Variants in PTGES3 observed in about 807,000 individuals in gnomAD.
PTGES3 encodes the protein Hsp90 co-chaperone.
Under a neutral mutation model 29.9 loss-of-function variants are expected in PTGES3, and 5 were observed. The observed-to-expected ratio is 0.17, with a 90% CI of 0.09 to 0.35. The LOEUF (loss-of-function observed/expected upper bound fraction) is 0.35, where lower values mean the gene tolerates loss of function less well. Ranked by LOEUF, PTGES3 falls within the 10% of genes least tolerant of loss-of-function variation. The pLI is 1.00. For synonymous variants in PTGES3, 49 were observed against 57.8 expected, an observed-to-expected ratio of 0.85 and a Z score of 0.69; for missense variants, 128 against 190.0, an observed-to-expected ratio of 0.67 and a Z score of 1.92.
chr12:56,687,649 G>C, intron 1 of PTGES3: 1 of 1,194,354 alleles, frequency 8.4e-7, no homozygotes, highest in South Asian at 2.3e-5. Context: ...GGCGACCCAC[G>C]AAGGTTCACG....
chr12:56,687,695 C>CT, intron 1 of PTGES3: 1 of 1,313,008 alleles, frequency 7.6e-7, no homozygotes, highest in East Asian at 3.4e-5. Flanking sequence ...CTACCGGGAG[C>CT]TTAAGGCCTA....
intron 6 of PTGES3, 65 bp from the exon 7 acceptor site, chr12:56,664,865 C>A: frequency 1.3e-6 from 2 of 1,572,040 alleles, no homozygotes; most frequent in South Asian, 2.3e-5. Flanking sequence ...AACAGTTTAC[C>A]TAAAAAAGTT....
intron 1 of PTGES3, among the ~76,000 whole-genome samples, chr12:56,678,632 TAG>T (rs1329098312): frequency 1.3e-5 from 2 of 152,202 alleles, no homozygotes; most frequent in Non-Finnish European, 2.9e-5. Context: ...TTTTATAAAT[TAG>T]AGTTATAACT....
intron 1 of PTGES3, chr12:56,686,817 C>G: frequency 2.5e-6 from 1 of 398,314 alleles, no homozygotes; most frequent in Non-Finnish European, 4.4e-6. Context: ...AGATTTCTAG[C>G]CAATATACTC....
chr12:56,671,045 G>A (rs1951982529), intron 4 of PTGES3, among the ~76,000 whole-genome samples: 1 of 152,106 alleles, frequency 6.6e-6, no homozygotes, highest in African/African-American at 2.4e-5. Flanking sequence ...CCCAGGTGGA[G>A]GCTACAGTGA....
rs551493026 is a variant in PTGES3, at chr12:56,667,469, A to G, written c.376-1203T>C. 9.8e-5 allele frequency among the ~76,000 whole-genome samples: 15 copies of G among 152,364 alleles called. No homozygotes were observed. In the Middle Eastern group the frequency reaches 0.014, roughly 138 times the overall value. On this transcript the variant is annotated intron_variant, in intron 5 of 7. Coordinates refer to ENST00000262033, the MANE Select transcript of PTGES3 (RefSeq NM_006601.7). ...ACATACAATGGAATGTGTTCAGCCT[A>G]AAAGTATCATTCAGCCTTAAAGAAA...
At chr12:56,667,130 G>C (rs1951821350) in intron 5 of PTGES3, among the ~76,000 whole-genome samples, 1 of 151,858 alleles carries the variant, frequency 6.6e-6, no homozygotes, top group African/African-American at 2.4e-5. Context: ...ATATTGGCCA[G>C]GCTGGTCTTG....
intron 1 of PTGES3, among the ~76,000 whole-genome samples, chr12:56,678,384 CCAGGCTGGT>C (rs1391346552): frequency 1.3e-5 from 2 of 152,048 alleles, no homozygotes. Flanking sequence ...ACCATGTTGG[CCAGGCTGGT>C]CTCGAACTCC....
intron 5 of PTGES3, among the ~76,000 whole-genome samples, chr12:56,669,331 C>G (rs1951907798): frequency 6.6e-6 from 1 of 152,134 alleles, no homozygotes; most frequent in African/African-American, 2.4e-5. Context: ...TAGCTGGAAT[C>G]ACAGGCATGC....
intron 1 of PTGES3, among the ~76,000 whole-genome samples, chr12:56,684,981 C>T (rs1952754734): frequency 6.6e-6 from 1 of 152,108 alleles, no homozygotes; most frequent in South Asian, 2.1e-4. Flanking sequence ...ATTAGCCAGG[C>T]ATGGTGGTGC....
intron 1 of PTGES3, among the ~76,000 whole-genome samples, chr12:56,676,330 G>C (rs1273071553): frequency 6.6e-6 from 1 of 151,350 alleles, no homozygotes; most frequent in African/African-American, 2.4e-5. Context: ...AATTTCTCCA[G>C]CGGTCCTTTT....
At chr12:56,682,496 C>A (rs1952589910) in intron 1 of PTGES3, among the ~76,000 whole-genome samples, 1 of 152,012 alleles carries the variant, frequency 6.6e-6, no homozygotes, top group Non-Finnish European at 1.5e-5. Flanking sequence ...AAGTTTGAGG[C>A]TGCAGACAGT....
Position 56,687,946 on chromosome 12 carries a change from C to A in PTGES3, c.2+52G>T, listed in dbSNP as rs138102339. ...GGGGCCGCTTCCAGGGAGCCCCCAA[C>A]GCGGCCTCGGCCTCACTCGGCGACC... is the stretch of plus-strand genomic sequence containing the variant. On this transcript the variant is annotated intron_variant, in intron 1 of 7. Transcript: ENST00000262033. 2,157 of 1,603,922 alleles carry A rather than the reference C, an allele frequency of 1.3e-3. 4 individuals carry two copies. The highest frequency in any genetic ancestry group is 6.9e-3 in the Middle Eastern group (42 of 6,044).
Position 56,688,224 on chromosome 12 carries a change from T to C in PTGES3, c.-225A>G, listed in dbSNP as rs922904254. Reference sequence around the variant, plus strand: ...TCCGGTCGGGGAGAAGAGGAAAGTGTAGGAAAAGGGGCGCGAGGACGGAGA... The same window carrying C: ...TCCGGTCGGGGAGAAGAGGAAAGTGCAGGAAAAGGGGCGCGAGGACGGAGA... On this transcript the variant is annotated 5_prime_UTR_variant, in exon 1 of 8. Coordinates refer to ENST00000262033, the MANE Select transcript of PTGES3 (RefSeq NM_006601.7). The C allele has an allele frequency of 1.4e-6, 1 of 730,420 alleles. No individual in the cohort carries two copies. Among genetic ancestry groups the C allele is most frequent in the Non-Finnish European group, 2.0e-6 (1 of 499,588 alleles). 45.2% of individuals were successfully genotyped at this position (730,420 alleles called of 1,614,324 possible).
chr12:56,683,119 G>A (rs1952630838), intron 1 of PTGES3, among the ~76,000 whole-genome samples: 2 of 151,998 alleles, frequency 1.3e-5, no homozygotes, highest in South Asian at 4.1e-4. Flanking sequence ...GGAGTCTGAG[G>A]CGCGTGGATC....
At chr12:56,683,473 C>CAAAAAAAAAAAAAAAAAAAAAAAAAAAA (rs71081388) in intron 1 of PTGES3, among the ~76,000 whole-genome samples, 1 of 29,750 alleles carries the variant, frequency 3.4e-5, no homozygotes, top group African/African-American at 1.0e-4. Context: ...AACTCTGTCT[C>CAAAAAAAAAAAAAAAAAAAAAAAAAAAA]AAAAAAAAAA....
chr12:56,669,219 C>T lies in PTGES3; in HGVS notation c.375+1056G>A, dbSNP rs999888705. Among the ~76,000 whole-genome samples, 24 of 151,622 alleles carry T rather than the reference C, an allele frequency of 1.6e-4. 1 individual carries two copies. Among genetic ancestry groups the T allele is most frequent in the African/African-American group, 4.8e-4 (20 of 41,358 alleles). On this transcript the variant is annotated intron_variant, in intron 5 of 7. Transcript: ENST00000262033. ...TAATTATTTATTAATTTAGAGACGG[C>T]GTTTTGCTCTTGTTGCCCAGACTGG...
chr12:56,664,718 G>C, intron 7 of PTGES3, 58 bp downstream of exon 7: 2 of 1,541,700 alleles, frequency 1.3e-6, no homozygotes, highest in Non-Finnish European at 1.8e-6. Flanking sequence ...TCTCTATTTT[G>C]AGTTTGTTTT....
chr12:56,678,437 A>T (rs1255109770), intron 1 of PTGES3, among the ~76,000 whole-genome samples: 1 of 152,256 alleles, frequency 6.6e-6, no homozygotes, highest in Non-Finnish European at 1.5e-5. Flanking sequence ...TCAGCCTCCC[A>T]AAGTGCTGGA....
Sources: allele counts gnomAD v4.1 joint callset (sites outside exome capture counted in the v4.1 genomes callset), GRCh38; gene constraint gnomAD v4.1.1; transcripts MANE v1.5; gene names NCBI Gene and HGNC (gene_info 2026-07-23, HGNC 2026-07-21).